The following CLCA2 variants were observed in gnomAD, a reference collection of about 807,000 sequenced individuals.
CLCA2 encodes the protein chloride channel accessory 2, also known as calcium-activated chloride channel regulator 2.
A neutral mutation model predicts 82.9 loss-of-function variants in CLCA2; 85 were observed. That is an observed-to-expected ratio of 1.03 (90% CI 0.86 to 1.23). The LOEUF is 1.23. CLCA2 is among the 50% of genes most tolerant of loss of function. The pLI is 0.00. For missense variants in CLCA2, 1,089 were observed against 1,124.8 expected (o/e 0.97, Z 0.45); for synonymous variants, 421 against 391.7 (o/e 1.07, Z -0.88).
rs1663049868 is a variant in CLCA2 at position 86,455,191 on chromosome 1, C to T, written c.2496C>T (p.Gly832=). ...NTSKRNPQQA[G]IREIFTFSPQ... ...CAAAGCGAAATCCTCAGCAAGCTGG[C>T]ATCAGGGAGATATTTACGTTCTCAC... The change falls in exon 14 of 14, where the codon GGC becomes GGT. Residue 832 remains glycine, a synonymous_variant. Transcript: ENST00000370565. 2.5e-6 allele frequency: 4 copies of T among 1,613,658 alleles called. No individual in the cohort carries two copies. The African/African-American group carries it at 4.0e-5, about 16-fold the overall frequency.
intron 9 of CLCA2, 138 bp from the exon 10 acceptor site, chr1:86,443,649 A>G (rs1335821079): frequency 1.6e-6 from 1 of 637,188 alleles, no homozygotes; most frequent in Non-Finnish European, 2.6e-6. Flanking sequence ...TTTTTATGAA[A>G]AATGATGTAT....
chr1:86,451,383 A>C (rs1332127016), intron 12 of CLCA2, among the ~76,000 whole-genome samples: 1 of 152,242 alleles, frequency 6.6e-6, no homozygotes, highest in Non-Finnish European at 1.5e-5. Flanking sequence ...TTTTATTTCC[A>C]AAAATGCAGA....
At chr1:86,454,075 G>C (rs1294763944) in intron 13 of CLCA2, among the ~76,000 whole-genome samples, 2 of 152,128 alleles carry the variant, frequency 1.3e-5, no homozygotes, top group Non-Finnish European at 2.9e-5. Context: ...CCCTGATTCA[G>C]GGCTTTCTTA....
At chr1:86,432,226 G>T in intron 4 of CLCA2, 143 bp from the exon 5 acceptor site, 1 of 883,948 alleles carries the variant, frequency 1.1e-6, no homozygotes, top group Non-Finnish European at 1.7e-6. Context: ...GTGAGCCACA[G>T]CACCCCGCCA....
Position 86,447,724 on chromosome 1 carries a change from G to T in CLCA2, c.1930G>T (p.Val644Phe), listed in dbSNP as rs755246880. 1.2e-6 allele frequency: 2 copies of T among 1,613,936 alleles called. No individual in the cohort carries two copies. Among genetic ancestry groups the T allele is most frequent in the South Asian group, 1.1e-5 (1 of 91,090 alleles). The change falls in exon 11 of 14, where the codon GTT becomes TTT. Residue 644 changes from valine (V) to phenylalanine (F), a missense_variant. Transcript: ENST00000370565. ...TCTTAATGCCACTGTCACTGCCACAGTTGAGCCAGAGACTGGAGATCCTGT... is the reference window on the plus strand; with the variant it reads ...TCTTAATGCCACTGTCACTGCCACATTTGAGCCAGAGACTGGAGATCCTGT... The part of the protein sequence containing the change: ...PILNATVTAT[V>F]EPETGDPVTL...
chr1:86,441,292 G>A, intron 8 of CLCA2, 145 bp from the exon 9 acceptor site: 1 of 543,704 alleles, frequency 1.8e-6, no homozygotes, highest in Non-Finnish European at 3.3e-6. Flanking sequence ...TGTATAGGAT[G>A]TCAGGCAAAG....
chr1:86,445,323 T>TTGG (rs915906443), intron 10 of CLCA2: 7 of 151,490 alleles, frequency 4.6e-5, no homozygotes, highest in African/African-American at 1.7e-4. Flanking sequence ...CAAAACCTCC[T>TTGG]TGGTGGTTTC....
Position 86,450,602 on chromosome 1 carries a change from A to AT in CLCA2, c.2030dup (p.Ser678LeufsTer7), listed in dbSNP as rs767879285. On this transcript the variant is annotated frameshift_variant, in exon 12 of 14. Coordinates refer to ENST00000370565, the MANE Select transcript of CLCA2 (RefSeq NM_006536.7). LOFTEE classifies it high-confidence loss of function. ...AAAAATGATGGAATTTACTCGAGGT[A>AT]TTTTTTCTCCTTTGCTGCAAATGGT... is the stretch of plus-strand genomic sequence containing the variant. 12 of 1,612,754 alleles carry AT rather than the reference A, an allele frequency of 7.4e-6. No individual in the cohort carries two copies. Among genetic ancestry groups the AT allele is most frequent in the East Asian group, 6.7e-5 (3 of 44,846 alleles).
chr1:86,434,236 A>T (rs3765983), intron 5 of CLCA2, among the ~76,000 whole-genome samples: 42,639 of 149,618 alleles, frequency 0.28, 6,531 homozygotes, highest in Non-Finnish European at 0.35. Context: ...TAAGAGTAAG[A>T]TTATGTATAT....
intron 5 of CLCA2, among the ~76,000 whole-genome samples, chr1:86,432,858 T>C (rs1158315907): frequency 6.6e-6 from 1 of 152,226 alleles, no homozygotes; most frequent in Non-Finnish European, 1.5e-5. Flanking sequence ...CAAATGGTTA[T>C]AATTCTCTCG....
rs1663049311 is a variant in CLCA2, at chr1:86,455,163, C to T, written c.2468C>T (p.Thr823Ile). 2.5e-6 allele frequency: 4 copies of T among 1,612,560 alleles called. No homozygotes were observed. Among genetic ancestry groups the T allele is most frequent in the African/African-American group, 1.3e-5 (1 of 75,018 alleles). ...TTTAACAATGCTATTTTAGTAAATA[C>T]ATCAAAGCGAAATCCTCAGCAAGCT... is the stretch of plus-strand genomic sequence containing the variant. ...DDFNNAILVN[T>I]SKRNPQQAGI... The change falls in exon 14 of 14, where the codon ACA (threonine) becomes ATA (isoleucine). Residue 823 changes from threonine to isoleucine, a missense_variant. Coordinates refer to ENST00000370565, the MANE Select transcript of CLCA2 (RefSeq NM_006536.7).
intron 9 of CLCA2, among the ~76,000 whole-genome samples, chr1:86,441,912 A>G (rs1662744212): frequency 6.6e-6 from 1 of 152,232 alleles, no homozygotes; most frequent in Non-Finnish European, 1.5e-5. Flanking sequence ...TTGCTTCTTC[A>G]ACATCTTTGA....
intron 7 of CLCA2, 52 bp from the exon 8 acceptor site, chr1:86,440,096 T>C: frequency 6.4e-7 from 1 of 1,568,634 alleles, no homozygotes; most frequent in Non-Finnish European, 8.7e-7. Flanking sequence ...TTTTGCTCAA[T>C]AAAACAATTT....
chr1:86,446,976 A>G (rs1053194990), intron 10 of CLCA2, among the ~76,000 whole-genome samples: 3 of 152,142 alleles, frequency 2.0e-5, no homozygotes, highest in African/African-American at 7.2e-5. Context: ...GGTCCCTAGT[A>G]GTGTATGTGT....
At chr1:86,437,864 C>T (rs11799749) in intron 6 of CLCA2, among the ~76,000 whole-genome samples, 2,744 of 151,666 alleles carry the variant, frequency 0.018, 86 homozygotes, top group African/African-American at 0.064. Context: ...AGTGCTTACT[C>T]AGTATCCATT....
intron 8 of CLCA2, among the ~76,000 whole-genome samples, 156 bp from the exon 9 acceptor site, chr1:86,441,281 T>G (rs1398722199): frequency 6.6e-6 from 1 of 152,152 alleles, no homozygotes; most frequent in African/African-American, 2.4e-5. Flanking sequence ...TACCATGTGG[T>G]TGTATAGGAT....
chr1:86,432,280 A>T lies in CLCA2; in HGVS notation c.585-89A>T, dbSNP rs572462660. 1.4e-4 allele frequency: 212 copies of T among 1,488,220 alleles called. 3 individuals carry two copies. In the South Asian group the frequency reaches 2.4e-3, roughly 17 times the overall value. The allele number at this position is 1,488,220 out of a possible 1,614,324, so 92.2% of individuals were successfully genotyped here. ...TTTTGTATATATCTAGCAGGCTACA[A>T]TCCTTGTAATAATTATATAAGCTAG... On this transcript the variant is annotated intron_variant, in intron 4 of 13. Coordinates refer to ENST00000370565, the MANE Select transcript of CLCA2 (RefSeq NM_006536.7).
intron 12 of CLCA2, among the ~76,000 whole-genome samples, chr1:86,451,182 G>C (rs1245799853): frequency 6.6e-6 from 1 of 152,124 alleles, no homozygotes; most frequent in Non-Finnish European, 1.5e-5. Context: ...GGTGTTACAG[G>C]CAACTAAGTG....
At position 86,425,317 on chromosome 1, in the gene CLCA2, T is replaced by A. The variant is rs781410301; in HGVS notation, c.187-22T>A. The A allele has an allele frequency of 7.2e-6, 11 of 1,526,110 alleles. No homozygotes were observed. In the East Asian group the frequency reaches 2.6e-4, roughly 36 times the overall value. 94.5% of individuals were successfully genotyped at this position (1,526,110 alleles called of 1,614,324 possible). A position where few individuals can be genotyped will look rare whatever the true frequency, so the allele number is the denominator to read the frequency against. On this transcript the variant is annotated intron_variant, in intron 1 of 13. Coordinates refer to ENST00000370565, the MANE Select transcript of CLCA2 (RefSeq NM_006536.7). ...CAGGATTTACAAGTGGTAAAGTAAG[T>A]TTTTCTTTTGTCTGGCTGTAGGAAA...
Sources: gnomAD v4.1 joint callset for allele counts (sites outside exome capture counted in the v4.1 genomes callset) on GRCh38, gnomAD v4.1.1 for gene constraint, MANE v1.5 for transcripts, NCBI Gene and HGNC (gene_info 2026-07-23, HGNC 2026-07-21) for gene names.